The following PDYN variants were observed in gnomAD, a reference collection of about 807,000 sequenced individuals.
The protein encoded by PDYN is prodynorphin.
A neutral mutation model predicts 11.4 loss-of-function variants in PDYN; 5 were observed. The ratio of observed to expected loss-of-function variants is 0.44; its 90% CI spans 0.23 to 0.92. The LOEUF is 0.92. Among genes scored for constraint, PDYN ranks in the 40% least tolerant of loss-of-function variants. The probability of loss-of-function intolerance (pLI) is 0.24; values close to 1 mark genes in which losing one functional copy is unlikely to be tolerated. For missense variants in PDYN, 337 were observed against 317.3 expected (o/e 1.06, Z -0.47); for synonymous variants, 132 against 129.5 (o/e 1.02, Z -0.13).
chr20:1,982,249 C>T (rs1443085602), intron 3 of PDYN, among the ~76,000 whole-genome samples: 1 of 152,084 alleles, frequency 6.6e-6, no homozygotes, highest in Non-Finnish European at 1.5e-5. Flanking sequence ...TGAGTGAGAC[C>T]CTGTCTCGGA....
In PDYN at chr20:1,980,300, C is replaced by T. The variant is rs368899163; in HGVS notation, c.*23G>A. On this transcript the variant is annotated 3_prime_UTR_variant, in exon 4 of 4. Coordinates refer to ENST00000217305, the MANE Select transcript of PDYN (RefSeq NM_024411.5). ...AAAAGGTGTCAGGGGTTTCTCCTGA[C>T]TCTACTCCATGAAAAGAGGTGCTTA... is the stretch of plus-strand genomic sequence containing the variant. 61 of 1,613,512 alleles carry T rather than the reference C, an allele frequency of 3.8e-5. No individual in the cohort carries two copies. The highest frequency in any genetic ancestry group is 3.3e-5 in the Admixed American group (2 of 60,000).
intron 2 of PDYN, among the ~76,000 whole-genome samples, chr20:1,983,960 TCTC>T (rs1202683748): frequency 3.3e-5 from 5 of 152,098 alleles, no homozygotes; most frequent in South Asian, 2.1e-4. Flanking sequence ...GAACCCTTCA[TCTC>T]CTATTCTGTT....
chr20:1,985,309 G>A (rs1357871311), intron 2 of PDYN, among the ~76,000 whole-genome samples: 2 of 152,090 alleles, frequency 1.3e-5, no homozygotes, highest in African/African-American at 2.4e-5. Flanking sequence ...GATCCCTACT[G>A]CTCTAAGCTC....
chr20:1,988,291 TC>T (rs1424081607), intron 2 of PDYN, among the ~76,000 whole-genome samples: 1 of 152,186 alleles, frequency 6.6e-6, no homozygotes, highest in Non-Finnish European at 1.5e-5. Flanking sequence ...TGGGCTCCTG[TC>T]CAGATCCCTC....
At chr20:1,992,947 G>T (rs542071352) in intron 1 of PDYN, among the ~76,000 whole-genome samples, 4 of 152,134 alleles carry the variant, frequency 2.6e-5, no homozygotes, top group African/African-American at 9.6e-5. Flanking sequence ...GGGAAGACTG[G>T]AGACTTAATT....
intron 2 of PDYN, among the ~76,000 whole-genome samples, chr20:1,985,048 T>C (rs1456787707): frequency 6.6e-6 from 1 of 152,196 alleles, no homozygotes; most frequent in Non-Finnish European, 1.5e-5. Context: ...AGGGGCTTCA[T>C]GCTTCGCCCA....
chr20:1,989,432 G>GT (rs1433113943), intron 2 of PDYN, among the ~76,000 whole-genome samples: 1 of 152,168 alleles, frequency 6.6e-6, no homozygotes, highest in African/African-American at 2.4e-5. Flanking sequence ...TGATTGGGGT[G>GT]TATCATCTTC....
In PDYN at chr20:1,980,813, T is replaced by C. The variant is rs368307520; in HGVS notation, c.275A>G (p.Tyr92Cys). The C allele has an allele frequency of 1.3e-5, 21 of 1,614,078 alleles. No individual in the cohort carries two copies. The highest frequency in any genetic ancestry group is 1.7e-5 in the Non-Finnish European group (20 of 1,180,050). ...CCCAGAGAGCTTGGCCAGCTCACTG[T>C]AGGGCCCTTCCCCAACCGACTTGCT... Reference protein sequence around the residue: ...LGSKSVGEGPYSELAKLSGSF... With the variant: ...LGSKSVGEGPCSELAKLSGSF... Residue 92 changes from tyrosine (Y) to cysteine (C), a missense_variant, in exon 4 of 4, where the codon TAC becomes TGC. Coordinates refer to ENST00000217305, the MANE Select transcript of PDYN (RefSeq NM_024411.5).
At chr20:1,990,622 G>A (rs551418820) in intron 2 of PDYN, among the ~76,000 whole-genome samples, 5 of 152,314 alleles carry the variant, frequency 3.3e-5, no homozygotes, top group Admixed American at 2.6e-4. Context: ...AGACCAGAGG[G>A]AAAGACGGCC....
At chr20:1,989,558 A>G (rs919447589) in intron 2 of PDYN, among the ~76,000 whole-genome samples, 1 of 152,054 alleles carries the variant, frequency 6.6e-6, no homozygotes, top group Non-Finnish European at 1.5e-5. Flanking sequence ...TCTCGATGAT[A>G]TTTCTATATT....
chr20:1,980,568 G>A lies in PDYN; in HGVS notation c.520C>T (p.Arg174Cys), dbSNP rs567558964. The change falls in exon 4 of 4, where the codon CGC becomes TGC. Residue 174 changes from arginine to cysteine, a missense_variant. Arg to Cys is a radical substitution (Grantham distance 180). Transcript: ENST00000217305. ...TATTTGCGCAAAAAGCCCCCATAGC[G>A]TTTGACCTGCTCCTTGGGGTCCTCC... Reference protein sequence around the residue: ...AEEDPKEQVKRYGGFLRKYPK... With the variant: ...AEEDPKEQVKCYGGFLRKYPK... 8.2e-5 allele frequency: 133 copies of A among 1,614,074 alleles called. No individual in the cohort carries two copies. Among genetic ancestry groups the A allele is most frequent in the Non-Finnish European group, 1.0e-4 (120 of 1,180,028 alleles).
chr20:1,991,103 C>T (rs1294499664), intron 2 of PDYN, among the ~76,000 whole-genome samples: 1 of 152,130 alleles, frequency 6.6e-6, no homozygotes, highest in Non-Finnish European at 1.5e-5. Context: ...GATTTTGATT[C>T]AGGATGCTGA....
chr20:1,983,061 C>T lies in PDYN; in HGVS notation c.24G>A (p.Leu8=). Residue 8 remains leucine (L), a synonymous_variant, in exon 3 of 4, where the codon CTG becomes CTA. Transcript: ENST00000217305. MAWQGLV[L]AACLLMFPST... is the part of the protein sequence containing the mutation. ...AGGGGAACATGAGGAGGCAGGCAGC[C>T]AGGACCAGCCCCTGCCAGGCCATCC... 1.2e-6 allele frequency: 2 copies of T among 1,613,396 alleles called. No individual in the cohort carries two copies. Among genetic ancestry groups the T allele is most frequent in the Non-Finnish European group, 1.7e-6 (2 of 1,179,846 alleles).
chr20:1,984,444 G>A (rs1340657667), intron 2 of PDYN, among the ~76,000 whole-genome samples: 1 of 152,148 alleles, frequency 6.6e-6, no homozygotes, highest in Admixed American at 6.5e-5. Flanking sequence ...TGGTGTGTAT[G>A]TTGTGGTTAT....
chr20:1,984,485 G>A (rs1378343057), intron 2 of PDYN, among the ~76,000 whole-genome samples: 1 of 152,066 alleles, frequency 6.6e-6, no homozygotes. Context: ...AGCTCCTTGG[G>A]GACACAGACC....
rs1412226816 is a variant in PDYN, at chr20:1,980,372, CGA to C, written c.714_715del (p.Arg239ValfsTer14). ...GTAAGCATTCGGATCTTCCTGAGAC[CGA>C]GTCACCACCTTGAACTGGCGCCGGA... On this transcript the variant is annotated frameshift_variant, in exon 4 of 4. Coordinates refer to ENST00000217305, the MANE Select transcript of PDYN (RefSeq NM_024411.5). LOFTEE classifies it high-confidence loss of function. The C allele has an allele frequency of 2.5e-6, 4 of 1,613,958 alleles. No homozygotes were observed. The highest frequency in any genetic ancestry group is 2.5e-6 in the Non-Finnish European group (3 of 1,180,024).
intron 2 of PDYN, 97 bp from the exon 3 acceptor site, chr20:1,983,200 C>A: frequency 2.0e-6 from 2 of 1,025,628 alleles, no homozygotes; most frequent in Admixed American, 2.2e-5. Context: ...CTGCCCACAG[C>A]ACTGCAAAGC....
At chr20:1,992,071 G>A (rs1368515837) in intron 2 of PDYN, among the ~76,000 whole-genome samples, 1 of 152,186 alleles carries the variant, frequency 6.6e-6, no homozygotes, top group South Asian at 2.1e-4. Flanking sequence ...AGTATTTATT[G>A]AGCACCTACT....
intron 2 of PDYN, among the ~76,000 whole-genome samples, chr20:1,985,106 T>C (rs73571373): frequency 0.048 from 7,340 of 152,162 alleles, 618 homozygotes; most frequent in African/African-American, 0.17. Context: ...CAGAAAAGGC[T>C]GTCCTCTTTT....
Sources: gnomAD v4.1 joint callset for allele counts (sites outside exome capture counted in the v4.1 genomes callset) on GRCh38, gnomAD v4.1.1 for gene constraint, MANE v1.5 for transcripts, NCBI Gene and HGNC (gene_info 2026-07-23, HGNC 2026-07-21) for gene names.